ZNF804A: variants seen among roughly 807,000 people sequenced by gnomAD.
The protein encoded by ZNF804A is zinc finger protein 804A.
ZNF804A carries 2 observed loss-of-function variants against 16.5 expected under a neutral mutation model. The observed-to-expected ratio is 0.12, with a 90% CI of 0.05 to 0.38. ZNF804A has a LOEUF of 0.38. Ranked by LOEUF, ZNF804A falls within the 10% of genes least tolerant of loss-of-function variation. ZNF804A has a pLI of 0.99. For missense variants in ZNF804A, 1,473 were observed against 1,390.7 expected (o/e 1.06, Z -0.94); for synonymous variants, 534 against 489.6 (o/e 1.09, Z -1.20).
rs186309034 is a variant in ZNF804A, at chr2:184,842,094, G to A, written c.112-24275G>A. Among the ~76,000 whole-genome samples, 3 of 152,214 alleles carry A rather than the reference G, an allele frequency of 2.0e-5. 1 individual carries two copies. In the East Asian group the frequency reaches 5.8e-4, roughly 29 times the overall value. On this transcript the variant is annotated intron_variant, in intron 1 of 3. Coordinates refer to ENST00000302277, the MANE Select transcript of ZNF804A (RefSeq NM_194250.2). ...TTGTATCTTCTCCATCCAATTTTTA[G>A]TTGTAAATTTTTCAAGTTAAAATGC...
At chr2:184,645,791 A>T (rs1435556920) in intron 1 of ZNF804A, among the ~76,000 whole-genome samples, 2 of 152,212 alleles carry the variant, frequency 1.3e-5, no homozygotes, top group East Asian at 1.9e-4. Flanking sequence ...GAAAATGGAA[A>T]TGCACCAGAA....
At chr2:184,616,110 T>C (rs1691314593) in intron 1 of ZNF804A, among the ~76,000 whole-genome samples, 1 of 152,186 alleles carries the variant, frequency 6.6e-6, no homozygotes, top group African/African-American at 2.4e-5. Flanking sequence ...CTGAGAAACA[T>C]GACTAGATTT....
chr2:184,763,503 A>G (rs1460730559), intron 1 of ZNF804A, among the ~76,000 whole-genome samples: 1 of 151,882 alleles, frequency 6.6e-6, no homozygotes, highest in Admixed American at 6.6e-5. Context: ...AACCATCTCA[A>G]GTTAGGCTTT....
chr2:184,855,863 A>G (rs1695678754), intron 1 of ZNF804A, among the ~76,000 whole-genome samples: 1 of 152,096 alleles, frequency 6.6e-6, no homozygotes, highest in African/African-American at 2.4e-5. Flanking sequence ...GAAGGACTCT[A>G]TGTCAGGAGA....
intron 2 of ZNF804A, 62 bp from the exon 3 acceptor site, chr2:184,933,541 G>A (rs1685738447): frequency 9.4e-6 from 14 of 1,486,504 alleles, no homozygotes; most frequent in Non-Finnish European, 1.3e-5. Flanking sequence ...CAATAACAAT[G>A]AAACTTTAAA....
intron 2 of ZNF804A, among the ~76,000 whole-genome samples, chr2:184,926,428 C>A (rs955828214): frequency 3.9e-5 from 6 of 151,946 alleles, no homozygotes; most frequent in Non-Finnish European, 8.8e-5. Context: ...CTTTTAGGAT[C>A]CTTTCTTTTT....
chr2:184,719,285 A>G (rs948130092), intron 1 of ZNF804A, among the ~76,000 whole-genome samples: 2 of 147,456 alleles, frequency 1.4e-5, no homozygotes, highest in Non-Finnish European at 3.0e-5. Context: ...CCATGAAACC[A>G]TTTTTTTTTT....
At chr2:184,860,395 A>G (rs575670156) in intron 1 of ZNF804A, among the ~76,000 whole-genome samples, 1 of 152,322 alleles carries the variant, frequency 6.6e-6, no homozygotes, top group East Asian at 1.9e-4. Context: ...GCAGACTTGA[A>G]GTCTAGGACC....
At chr2:184,822,287 T>A (rs1425998919) in intron 1 of ZNF804A, among the ~76,000 whole-genome samples, 1 of 152,134 alleles carries the variant, frequency 6.6e-6, no homozygotes, top group African/African-American at 2.4e-5. Context: ...GAAGCTGTTA[T>A]CCTCAGCGAA....
intron 1 of ZNF804A, among the ~76,000 whole-genome samples, chr2:184,861,686 C>T (rs551937674): frequency 6.6e-6 from 1 of 152,196 alleles, no homozygotes; most frequent in African/African-American, 2.4e-5. Flanking sequence ...GGAAAGAGGC[C>T]ATATGCTATG....
chr2:184,741,909 A>T (rs1422989414), intron 1 of ZNF804A, among the ~76,000 whole-genome samples: 2 of 152,128 alleles, frequency 1.3e-5, no homozygotes, highest in Non-Finnish European at 2.9e-5. Flanking sequence ...TGCCCTCTGG[A>T]AAGCAAGTAA....
At chr2:184,830,941 A>G (rs896044696) in intron 1 of ZNF804A, among the ~76,000 whole-genome samples, 1 of 152,124 alleles carries the variant, frequency 6.6e-6, no homozygotes, top group Non-Finnish European at 1.5e-5. Context: ...TGTAATCTCA[A>G]TTTGAAGGAG....
chr2:184,814,379 G>T (rs1361286577), intron 1 of ZNF804A, among the ~76,000 whole-genome samples: 1 of 152,014 alleles, frequency 6.6e-6, no homozygotes, highest in African/African-American at 2.4e-5. Context: ...AGTTAGAGAA[G>T]TTATTCAGAC....
chr2:184,637,925 C>G (rs1289669249), intron 1 of ZNF804A, among the ~76,000 whole-genome samples: 1 of 152,064 alleles, frequency 6.6e-6, no homozygotes, highest in Non-Finnish European at 1.5e-5. Flanking sequence ...TATTCTGAAC[C>G]CCTGGGAAAC....
At chr2:184,923,409 T>G (rs1447547502) in intron 2 of ZNF804A, among the ~76,000 whole-genome samples, 1 of 152,056 alleles carries the variant, frequency 6.6e-6, no homozygotes, top group Non-Finnish European at 1.5e-5. Flanking sequence ...ATCCTGAAAC[T>G]TTACTGAATT....
chr2:184,926,623 T>A (rs1304035254), intron 2 of ZNF804A, among the ~76,000 whole-genome samples: 1 of 152,106 alleles, frequency 6.6e-6, no homozygotes, highest in Non-Finnish European at 1.5e-5. Flanking sequence ...AGATCCTATT[T>A]AAGGCCAAAA....
chr2:184,677,855 C>T (rs551374257), intron 1 of ZNF804A, among the ~76,000 whole-genome samples: 4 of 151,848 alleles, frequency 2.6e-5, no homozygotes, highest in Non-Finnish European at 5.9e-5. Context: ...TAATTTTTAT[C>T]CTGTTTCTAT....
intron 1 of ZNF804A, among the ~76,000 whole-genome samples, chr2:184,785,616 C>T (rs1694434881): frequency 2.0e-5 from 3 of 151,890 alleles, no homozygotes; most frequent in Admixed American, 6.6e-5. Flanking sequence ...AAATCCAATT[C>T]AAGTCTGGCT....
At chr2:184,878,990 A>G (rs1223936919) in intron 2 of ZNF804A, among the ~76,000 whole-genome samples, 1 of 152,036 alleles carries the variant, frequency 6.6e-6, no homozygotes, top group Non-Finnish European at 1.5e-5. Flanking sequence ...GATGAACTAC[A>G]CTTAGAAGTC....
Sources: gnomAD v4.1 joint callset for allele counts (sites outside exome capture counted in the v4.1 genomes callset) on GRCh38, gnomAD v4.1.1 for gene constraint, MANE v1.5 for transcripts, NCBI Gene and HGNC (gene_info 2026-07-23, HGNC 2026-07-21) for gene names.